DIAPH1: variants seen among roughly 807,000 people sequenced by gnomAD.
DIAPH1 encodes diaphanous related formin 1.
A neutral mutation model predicts 140.7 loss-of-function variants in DIAPH1; 46 were observed. The observed-to-expected ratio is 0.33, with a 90% CI of 0.26 to 0.42. DIAPH1 has a LOEUF of 0.42. Among genes scored for constraint, DIAPH1 ranks in the 10% least tolerant of loss-of-function variants. The pLI is 1.00. For missense variants in DIAPH1, 1,310 were observed against 1,558.7 expected, an observed-to-expected ratio of 0.84 and a Z score of 2.69; for synonymous variants, 565 against 551.6, an observed-to-expected ratio of 1.02 and a Z score of -0.34.
Position 141,574,228 on chromosome 5 carries a change from G to GT in DIAPH1, c.1642-21dup. 1 of 1,613,612 alleles carries GT rather than the reference G, an allele frequency of 6.2e-7. No individual in the cohort carries two copies. Among genetic ancestry groups the GT allele is most frequent in the Non-Finnish European group, 8.5e-7 (1 of 1,179,758 alleles). On this transcript the variant is annotated intron_variant, in intron 15 of 27. Coordinates refer to ENST00000389054, the MANE Select transcript of DIAPH1 (RefSeq NM_005219.5). The stretch of plus-strand genomic sequence containing the variant: ...GGCAACCTACAGAAATAACATCAAT[G>GT]TGAGTACTTCTCACCCCACTTCAGG...
chr5:141,576,565 G>A (rs2099895994), intron 13 of DIAPH1, among the ~76,000 whole-genome samples, 191 bp downstream of exon 13: 1 of 152,172 alleles, frequency 6.6e-6, no homozygotes, highest in African/African-American at 2.4e-5. Context: ...GTGCTGGTGT[G>A]TGTTTTATCT....
At chr5:141,535,407 TACTC>T (rs948351638) in intron 18 of DIAPH1, among the ~76,000 whole-genome samples, 170 of 152,366 alleles carry the variant, frequency 1.1e-3, no homozygotes, top group African/African-American at 3.1e-3. Flanking sequence ...TGATAAATGA[TACTC>T]ACTCTCTGCT....
intron 13 of DIAPH1, 52 bp from the exon 14 acceptor site, chr5:141,576,346 T>C (rs1248312982): frequency 7.6e-7 from 1 of 1,312,794 alleles, no homozygotes; most frequent in Non-Finnish European, 1.1e-6. Flanking sequence ...TTGTTCTATT[T>C]CTTTCACACT....
At chr5:141,535,103 C>T (rs554247245) in intron 18 of DIAPH1, among the ~76,000 whole-genome samples, 1 of 152,134 alleles carries the variant, frequency 6.6e-6, no homozygotes, top group Non-Finnish European at 1.5e-5. Flanking sequence ...GTGCAGGCCA[C>T]CACGCCCGGC....
At position 141,578,075 on chromosome 5, in the gene DIAPH1, T is replaced by C. The variant is rs900128602; in HGVS notation, c.1163+150A>G. On this transcript the variant is annotated intron_variant, in intron 11 of 27. Transcript: ENST00000389054. Reference sequence around the variant, plus strand: ...GATAAGCTAAGTAAAGCCAGCGCAATAAAAATACACCTGCCTTATTTAATG... The same window carrying C: ...GATAAGCTAAGTAAAGCCAGCGCAACAAAAATACACCTGCCTTATTTAATG... 2.4e-5 allele frequency: 18 copies of C among 760,198 alleles called. No individual in the cohort carries two copies. In the African/African-American group the frequency reaches 2.9e-4, roughly 12 times the overall value. The allele number at this position is 760,198 out of a possible 1,614,324, so 47.1% of individuals were successfully genotyped here.
At chr5:141,534,855 AC>A (rs1302356245) in intron 18 of DIAPH1, among the ~76,000 whole-genome samples, 4 of 152,232 alleles carry the variant, frequency 2.6e-5, no homozygotes, top group Admixed American at 6.5e-5. Context: ...ATTCACAAGA[AC>A]AGTTGGTTAG....
intron 19 of DIAPH1, among the ~76,000 whole-genome samples, chr5:141,533,279 C>G (rs2099888528): frequency 6.6e-6 from 1 of 152,172 alleles, no homozygotes; most frequent in South Asian, 2.1e-4. Flanking sequence ...GTCTATATTT[C>G]TTGGTATGAA....
Position 141,587,148 on chromosome 5 carries a change from T to C in DIAPH1, c.194A>G (p.Asn65Ser), listed in dbSNP as rs954518752. The change falls in exon 3 of 28, where the codon AAT (asparagine) becomes AGT (serine). Residue 65 changes from asparagine to serine, a missense_variant. Coordinates refer to ENST00000389054, the MANE Select transcript of DIAPH1 (RefSeq NM_005219.5). ...MRIKKEKEKP[N>S]SAHRNSSASY... ...TGCAGAAGAATTTCTATGAGCAGAA[T>C]TGGGCTTTTCCTTCTCCTTCTTAAT... The C allele has an allele frequency of 2.5e-5, 41 of 1,614,046 alleles. No homozygotes were observed. Among genetic ancestry groups the C allele is most frequent in the Middle Eastern group, 1.6e-4 (1 of 6,084 alleles).
Position 141,573,501 on chromosome 5 carries a change from G to T in DIAPH1, c.2349C>A (p.Asn783Lys). 6.2e-7 allele frequency: 1 copy of T among 1,605,472 alleles called. No individual in the cohort carries two copies. The highest frequency in any genetic ancestry group is 8.5e-7 in the Non-Finnish European group (1 of 1,175,042). ...AGACAGAAACTCTTACCTTGGACCA[G>T]TTTGGCCTCCGGAGCTGCACCTCTG... ...YKPEVQLRRP[N>K]WSKLVAEDLS... The change falls in exon 16 of 28, where the codon AAC becomes AAA. Residue 783 changes from asparagine (N) to lysine (K), a missense_variant. Physicochemically the swap from Asn to Lys is moderately conservative, Grantham distance 94. This residue lies in a region of DIAPH1 where 589 missense variants were observed against 549.3 expected (regional missense o/e 1.07). Transcript: ENST00000389054.
intron 18 of DIAPH1, chr5:141,563,460 C>G (rs1471617191): frequency 1.3e-5 from 2 of 152,120 alleles, no homozygotes; most frequent in Non-Finnish European, 2.9e-5. Flanking sequence ...AAACATGTTA[C>G]ATGTTACAAA....
At chr5:141,557,490 C>A (rs2154595798) in intron 18 of DIAPH1, among the ~76,000 whole-genome samples, 1 of 152,176 alleles carries the variant, frequency 6.6e-6, no homozygotes, top group Non-Finnish European at 1.5e-5. Flanking sequence ...TAAAAAAATT[C>A]AGGACCATTT....
chr5:141,545,259 G>A (rs1012699468), intron 18 of DIAPH1, among the ~76,000 whole-genome samples: 1 of 152,102 alleles, frequency 6.6e-6, no homozygotes. Context: ...ACATAAAAAG[G>A]GTGAATTTTA....
rs1174145974 is a variant in DIAPH1 at position 141,518,032 on chromosome 5, G to A, written c.3662-1024C>T. On this transcript the variant is annotated intron_variant, in intron 27 of 27. Transcript: ENST00000389054. ...ACACAAACAGCTGTCTGGGACGAAA[G>A]AAGCCTGACACGAAAGGCCATATGT... Among the ~76,000 whole-genome samples the A allele has an allele frequency of 2.0e-5, 3 of 152,186 alleles. No individual in the cohort carries two copies. The East Asian group carries it at 5.8e-4, about 29-fold the overall frequency.
intron 18 of DIAPH1, among the ~76,000 whole-genome samples, chr5:141,534,685 C>T (rs747266744): frequency 6.6e-5 from 10 of 152,220 alleles, no homozygotes; most frequent in Non-Finnish European, 1.3e-4. Flanking sequence ...ATCCTATCTA[C>T]TTGCAGGGAT....
chr5:141,539,506 G>C (rs1322015369), intron 18 of DIAPH1, among the ~76,000 whole-genome samples: 1 of 141,988 alleles, frequency 7.0e-6, no homozygotes, highest in Non-Finnish European at 1.5e-5. Flanking sequence ...TCCTGACCTT[G>C]TGATCCGCCC....
intron 1 of DIAPH1, among the ~76,000 whole-genome samples, chr5:141,608,196 C>G (rs1303559358): frequency 1.3e-5 from 2 of 152,224 alleles, no homozygotes; most frequent in Non-Finnish European, 2.9e-5. Flanking sequence ...CCCAGCTACT[C>G]TGGAGGCTGA....
In DIAPH1 at chr5:141,609,025, A is replaced by G. The variant is rs115981445; in HGVS notation, c.117+9773T>C. On this transcript the variant is annotated intron_variant, in intron 1 of 27. Coordinates refer to ENST00000389054, the MANE Select transcript of DIAPH1 (RefSeq NM_005219.5). ...CAAAGGAGACACAGTTACATTAAAA[A>G]ATAATAATTTAAGCATCATCCTAAT... 4.9e-3 allele frequency among the ~76,000 whole-genome samples: 751 copies of G among 152,292 alleles called. 4 individuals are homozygous for G. The highest frequency in any genetic ancestry group is 0.017 in the African/African-American group (692 of 41,550).
At chr5:141,553,614 G>C (rs1265887425) in intron 18 of DIAPH1, among the ~76,000 whole-genome samples, 2 of 151,984 alleles carry the variant, frequency 1.3e-5, no homozygotes, top group Admixed American at 1.3e-4. Flanking sequence ...CTGCACTCCA[G>C]CCTGGGCAAC....
chr5:141,595,167 GAGGCAGGTAGGGT>G (rs1375353558), intron 1 of DIAPH1, among the ~76,000 whole-genome samples: 5 of 152,162 alleles, frequency 3.3e-5, no homozygotes, highest in African/African-American at 7.2e-5. Flanking sequence ...AGGGTTGGGG[GAGGCAGGTAGGGT>G]AGGCAGGTTA....
Sources: gnomAD v4.1 joint callset for allele counts (sites outside exome capture counted in the v4.1 genomes callset) on GRCh38, gnomAD v4.1.1 for gene constraint, gnomAD v4.1.1 regional missense constraint, MANE v1.5 for transcripts, NCBI Gene and HGNC (gene_info 2026-07-23, HGNC 2026-07-21) for gene names.